The following POM121 variants were observed in gnomAD, a reference collection of about 807,000 sequenced individuals.
POM121 encodes the protein nuclear envelope pore membrane protein POM 121.
A neutral mutation model predicts 81.3 loss-of-function variants in POM121; 32 were observed. That is an observed-to-expected ratio of 0.39 (90% CI 0.30 to 0.53). The LOEUF (loss-of-function observed/expected upper bound fraction) is 0.53. Ranked by LOEUF, POM121 falls within the 20% of genes least tolerant of loss-of-function variation. POM121 has a pLI of 0.66. For missense variants in POM121, 1,138 were observed against 1,614.6 expected, an observed-to-expected ratio of 0.70 and a Z score of 5.06; for synonymous variants, 514 against 694.2, an observed-to-expected ratio of 0.74 and a Z score of 4.08.
At chr7:72,898,973 TCTTTTC>T (rs1792268753) in intron 3 of POM121, among the ~76,000 whole-genome samples, 1 of 131,682 alleles carries the variant, frequency 7.6e-6, no homozygotes, top group Non-Finnish European at 1.6e-5. Flanking sequence ...CTTTTTCTTT[TCTTTTC>T]TTTTTTTTTT....
Position 72,942,106 on chromosome 7 carries a change from C to G in POM121, c.2113C>G (p.Leu705Val), listed in dbSNP as rs1554501212. 2 of 1,608,802 alleles carry G rather than the reference C, an allele frequency of 1.2e-6. No individual in the cohort carries two copies. The highest frequency in any genetic ancestry group is 1.7e-5 in the Admixed American group (1 of 59,880). The stretch of plus-strand genomic sequence containing the variant: ...GTCCCCCGCCCCCAAGCAAAGCTTC[C>G]TGTTTGGAACACAGAACACCTCACC... Reference protein sequence around the residue: ...APSPAPKQSFLFGTQNTSPSS... With the variant: ...APSPAPKQSFVFGTQNTSPSS... The change falls in exon 11 of 13, where the codon CTG becomes GTG. Residue 705 changes from leucine (L) to valine (V), a missense_variant. This residue lies in a region of POM121 where 25 missense variants were observed against 214.1 expected (regional missense o/e 0.12). Transcript: ENST00000434423.
chr7:72,922,610 C>T (rs1296990749), upstream of POM121, among the ~76,000 whole-genome samples: 6 of 151,444 alleles, frequency 4.0e-5, no homozygotes, highest in Non-Finnish European at 8.8e-5. Flanking sequence ...AGGCTGGTCT[C>T]GAACTCCTGA....
chr7:72,898,974 CT>C (rs1438257041), intron 3 of POM121, among the ~76,000 whole-genome samples: 1 of 96,038 alleles, frequency 1.0e-5, no homozygotes, highest in Non-Finnish European at 2.1e-5. Flanking sequence ...TTTTTCTTTT[CT>C]TTTCTTTTTT....
intron 3 of POM121, among the ~76,000 whole-genome samples, chr7:72,896,569 A>T (rs1371419526): frequency 2.2e-5 from 3 of 139,442 alleles, no homozygotes; most frequent in Non-Finnish European, 4.6e-5. Context: ...GAGGTAAAAG[A>T]GGATTGCTTG....
chr7:72,888,675 AGTGTGTGT>A (rs57062510), intron 1 of POM121, among the ~76,000 whole-genome samples: 25 of 143,434 alleles, frequency 1.7e-4, no homozygotes, highest in Non-Finnish European at 3.3e-4. Context: ...GAGGCATAAG[AGTGTGTGT>A]GTGTGTGTGT....
At chr7:72,950,271 T>C (rs1797968580), downstream of POM121, 1 of 1,314,310 alleles carries the variant, frequency 7.6e-7, no homozygotes, top group Middle Eastern at 2.5e-4. Flanking sequence ...GGTCCATTCA[T>C]GCAACAAATG....
downstream of POM121, chr7:72,949,207 G>A (rs1797916358): frequency 1.2e-5 from 12 of 996,046 alleles, no homozygotes; most frequent in African/African-American, 3.2e-5. Flanking sequence ...TTGCTCCAGG[G>A]TCCCAAGCCC....
chr7:72,925,655 C>T lies in POM121; in HGVS notation c.534C>T (p.Arg178=), dbSNP rs1279657974. The T allele has an allele frequency of 2.5e-6, 3 of 1,214,758 alleles. No homozygotes were observed. The highest frequency in any genetic ancestry group is 3.1e-6 in the Non-Finnish European group (3 of 981,458). The allele number at this position is 1,214,758 out of a possible 1,614,324, so 75.2% of individuals were successfully genotyped here. A position where few individuals can be genotyped will look rare whatever the true frequency, so the allele number is the denominator to read the frequency against. ...CGGCGCCGCGCTCCCCACCGCCGCG[C>T]TCCCCACCGCCGCGCTCCCCCCCGC... ...ARPAPRSPPP[R]SPPPRSPPPS... Residue 178 remains arginine (R), a synonymous_variant, in exon 1 of 13, where the codon CGC becomes CGT. Coordinates refer to ENST00000434423, the MANE Select transcript of POM121 (RefSeq NM_001387691.1).
At chr7:72,901,509 C>T (rs1234237255) in intron 3 of POM121, among the ~76,000 whole-genome samples, 24 of 151,888 alleles carry the variant, frequency 1.6e-4, no homozygotes, top group African/African-American at 4.8e-4. Context: ...CGCCCGCCAC[C>T]GTGCCTGGCT....
intron 3 of POM121, among the ~76,000 whole-genome samples, chr7:72,900,996 T>G (rs1463901230): frequency 1.3e-5 from 2 of 151,874 alleles, no homozygotes; most frequent in East Asian, 1.9e-4. Flanking sequence ...TGGCGTTTTT[T>G]TTTTTAAGAG....
chr7:72,906,061 CTA>C (rs1554493382), intron 3 of POM121, among the ~76,000 whole-genome samples: 4 of 152,158 alleles, frequency 2.6e-5, no homozygotes, highest in Non-Finnish European at 5.9e-5. Flanking sequence ...CTTTTCCAAA[CTA>C]TTTTTGCAAA....
intron 5 of POM121, among the ~76,000 whole-genome samples, chr7:72,937,728 C>T (rs574753923): frequency 3.9e-5 from 6 of 152,296 alleles, no homozygotes; most frequent in Non-Finnish European, 7.4e-5. Flanking sequence ...TCAGCACTTA[C>T]GAGACTATTT....
intron 1 of POM121, among the ~76,000 whole-genome samples, chr7:72,882,356 C>T (rs1330959341): frequency 2.0e-5 from 3 of 152,038 alleles, no homozygotes; most frequent in East Asian, 1.9e-4. Flanking sequence ...ATTTGGGAGG[C>T]GACACACACC....
exon 1 of POM121, chr7:72,879,491 G>C (rs1477289315): frequency 2.9e-5 from 7 of 237,762 alleles, no homozygotes; most frequent in African/African-American, 1.7e-4. Flanking sequence ...GCGGGCGGGA[G>C]CTGTGCGGCC....
intron 1 of POM121, among the ~76,000 whole-genome samples, chr7:72,882,839 A>C: frequency 6.6e-6 from 1 of 152,174 alleles, no homozygotes; most frequent in Non-Finnish European, 1.5e-5. Context: ...GTCAGTCAGT[A>C]AAGGTGACCA....
intron 4 of POM121, among the ~76,000 whole-genome samples, chr7:72,914,515 TTGTAGAGATAGGGTCTCGC>T (rs1219021328): frequency 0.012 from 1,786 of 151,558 alleles, 24 homozygotes; most frequent in African/African-American, 0.039. Flanking sequence ...TTTTAACTTT[TTGTAGAGATAGGGTCTCGC>T]TGTAGAGATA....
At chr7:72,892,272 T>C (rs1196343869) in intron 3 of POM121, among the ~76,000 whole-genome samples, 1 of 152,252 alleles carries the variant, frequency 6.6e-6, no homozygotes, top group Non-Finnish European at 1.5e-5. Context: ...CTGACACTTT[T>C]AACCTAGTTG....
chr7:72,930,235 G>T (rs1554498365), intron 5 of POM121, 124 bp downstream of exon 5: 2 of 1,314,856 alleles, frequency 1.5e-6, no homozygotes, highest in African/African-American at 2.9e-5. Flanking sequence ...CGGGAGGATT[G>T]CTTGAGCCCA....
rs782358707 is a variant in POM121 at position 72,942,230 on chromosome 7, C to T, written c.2237C>T (p.Pro746Leu). The T allele has an allele frequency of 8.7e-6, 14 of 1,609,576 alleles. No homozygotes were observed. The South Asian group carries it at 1.1e-4, about 13-fold the overall frequency. ...AGTGAGAAGGAAGGCCCCACACCGC[C>T]TGGCCCTTCAGTCACAGCCACAGCG... ...PKSEKEGPTP[P>L]GPSVTATAPS... Residue 746 changes from proline (P) to leucine (L), a missense_variant, in exon 11 of 13, where the codon CCT becomes CTT. Physicochemically the swap from Pro to Leu is moderately conservative, Grantham distance 98. Coordinates refer to ENST00000434423, the MANE Select transcript of POM121 (RefSeq NM_001387691.1).
Sources: allele counts gnomAD v4.1 joint callset (sites outside exome capture counted in the v4.1 genomes callset), GRCh38; gene constraint gnomAD v4.1.1; regional missense constraint gnomAD v4.1.1; transcripts MANE v1.5; gene names NCBI Gene and HGNC (gene_info 2026-07-23, HGNC 2026-07-21).